Variants in KIAA0586 observed in about 807,000 individuals in gnomAD.
KIAA0586 encodes protein TALPID3.
KIAA0586 carries 144 observed loss-of-function variants against 169.8 expected under a neutral mutation model. That is an observed-to-expected ratio of 0.85 (90% CI 0.74 to 0.97). KIAA0586 has a LOEUF of 0.97. KIAA0586 is among the 50% of genes least tolerant of loss of function. KIAA0586 has a pLI of 0.00. For synonymous variants in KIAA0586, 625 were observed against 612.4 expected (o/e 1.02, Z -0.30); for missense variants, 1,854 against 1,823.0 (o/e 1.02, Z -0.31).
At chr14:58,430,053 T>A (rs2037231387) in intron 2 of KIAA0586, among the ~76,000 whole-genome samples, 1 of 152,150 alleles carries the variant, frequency 6.6e-6, no homozygotes, top group Non-Finnish European at 1.5e-5. Flanking sequence ...AACTAATAAT[T>A]CAATTGAGAC....
Position 58,488,014 on chromosome 14 carries a change from A to G in KIAA0586, c.3432A>G (p.Ser1144=), listed in dbSNP as rs1031513625. 1 of 1,611,458 alleles carries G rather than the reference A, an allele frequency of 6.2e-7. No homozygotes were observed. Among genetic ancestry groups the G allele is most frequent in the Non-Finnish European group, 8.5e-7 (1 of 1,178,892 alleles). Residue 1144 remains serine (S), a synonymous_variant, in exon 23 of 31, where the codon TCA becomes TCG. Transcript: ENST00000652326. The part of the protein sequence containing the change: ...SDISIDKLKV[S]SPELPKPWGD... ...TTTCCATTGATAAATTGAAGGTATC[A>G]AGCCCAGAGCTTCCCAAGCCATGGG...
Position 58,499,296 on chromosome 14 carries a change from A to G in KIAA0586, c.4168+336A>G, listed in dbSNP as rs545313250. 8.5e-5 allele frequency among the ~76,000 whole-genome samples: 13 copies of G among 152,238 alleles called. No individual in the cohort carries two copies. The East Asian group carries it at 2.5e-3, about 29-fold the overall frequency. ...GAGACGGAGTCTTGCTCTGTCACTC[A>G]GGCTGGAGTGCAGTGACACAATCTC... On this transcript the variant is annotated intron_variant, in intron 27 of 30. Coordinates refer to ENST00000652326, the MANE Select transcript of KIAA0586 (RefSeq NM_001329943.3).
Position 58,488,612 on chromosome 14 carries a change from T to C in KIAA0586, c.3528-9T>C. On this transcript the variant is annotated splice_polypyrimidine_tract_variant and intron_variant, in intron 23 of 30. Transcript: ENST00000652326. ...CTAACAAGCTCCAAATATGTCTTTA[T>C]TTTCTTAGTGTAATGTCTGTGGCTA... 6.2e-7 allele frequency: 1 copy of C among 1,613,086 alleles called. No homozygotes were observed. Among genetic ancestry groups the C allele is most frequent in the Non-Finnish European group, 8.5e-7 (1 of 1,179,274 alleles).
At chr14:58,460,497 C>T (rs2040237361) in intron 13 of KIAA0586, among the ~76,000 whole-genome samples, 1 of 152,034 alleles carries the variant, frequency 6.6e-6, no homozygotes, top group African/African-American at 2.4e-5. Flanking sequence ...TTTTTGACTG[C>T]TGTAACTAGG....
intron 20 of KIAA0586, among the ~76,000 whole-genome samples, chr14:58,479,614 A>T (rs1401871796): frequency 6.6e-6 from 1 of 152,064 alleles, no homozygotes; most frequent in Non-Finnish European, 1.5e-5. Context: ...GATCATTAAG[A>T]TAGTTTCCTA....
the KIAA0586 span, among the ~76,000 whole-genome samples, chr14:58,557,334 G>C: frequency 6.6e-6 from 1 of 152,192 alleles, no homozygotes; most frequent in Non-Finnish European, 1.5e-5. Flanking sequence ...TCAATGGTGG[G>C]TTTAAAATCT....
At chr14:58,452,251 T>C (rs573325269) in intron 8 of KIAA0586, among the ~76,000 whole-genome samples, 1 of 152,120 alleles carries the variant, frequency 6.6e-6, no homozygotes, top group African/African-American at 2.4e-5. Context: ...TGTAACCAAA[T>C]ACCACCTGTT....
At chr14:58,493,864 G>T (rs947002426) in intron 26 of KIAA0586, among the ~76,000 whole-genome samples, 1 of 152,008 alleles carries the variant, frequency 6.6e-6, no homozygotes, top group African/African-American at 2.4e-5. Flanking sequence ...GCGCATGTGC[G>T]GGTGGAAAGG....
intron 29 of KIAA0586, among the ~76,000 whole-genome samples, chr14:58,535,518 C>G (rs958810584): frequency 6.6e-6 from 1 of 152,188 alleles, no homozygotes; most frequent in Non-Finnish European, 1.5e-5. Context: ...CTATCAACTT[C>G]TTGGCAGTGG....
Position 58,547,925 on chromosome 14 carries a change from C to T in KIAA0586, c.4640C>T (p.Thr1547Ile). 1 of 1,613,510 alleles carries T rather than the reference C, an allele frequency of 6.2e-7. No individual in the cohort carries two copies. The highest frequency in any genetic ancestry group is 8.5e-7 in the Non-Finnish European group (1 of 1,179,638). Residue 1547 changes from threonine to isoleucine, a missense_variant, in exon 31 of 31, where the codon ACC becomes ATC. Transcript: ENST00000652326. Reference sequence around the variant, plus strand: ...GACATGGAGTCTTCGGGGGCAGATACCTTCTGAACGGGAAGAGACAGCCAG... The same window carrying T: ...GACATGGAGTCTTCGGGGGCAGATATCTTCTGAACGGGAAGAGACAGCCAG... ...QEDMESSGAD[T>I]F
At chr14:58,517,792 A>C (rs991858986) in intron 29 of KIAA0586, among the ~76,000 whole-genome samples, 2 of 152,240 alleles carry the variant, frequency 1.3e-5, no homozygotes, top group Non-Finnish European at 2.9e-5. Flanking sequence ...AGTACTCAGC[A>C]ATGAACAGAC....
chr14:58,555,217 C>T (rs147953883), downstream of KIAA0586, among the ~76,000 whole-genome samples: 1,696 of 150,698 alleles, frequency 0.011, 36 homozygotes, highest in African/African-American at 0.04. Flanking sequence ...TCTCCTGCCT[C>T]AGCCTCCCAA....
At chr14:58,463,864 C>A in intron 14 of KIAA0586, 7 of 278,746 alleles carry the variant, frequency 2.5e-5, no homozygotes, top group Non-Finnish European at 4.4e-5. Flanking sequence ...AAATTAGATA[C>A]ATAGAAACAC....
chr14:58,507,700 A>G (rs2044099687), intron 27 of KIAA0586, among the ~76,000 whole-genome samples: 1 of 152,162 alleles, frequency 6.6e-6, no homozygotes, highest in Admixed American at 6.6e-5. Context: ...AGTGCAATAC[A>G]AAGGTACAGT....
intron 29 of KIAA0586, among the ~76,000 whole-genome samples, chr14:58,529,858 G>A (rs1016087592): frequency 3.9e-5 from 6 of 152,130 alleles, no homozygotes; most frequent in Non-Finnish European, 7.4e-5. Context: ...TCTGGCCAGG[G>A]CAATCAGGCA....
chr14:58,547,684 G>GGGCCCCCC, intron 30 of KIAA0586, 97 bp from the exon 31 acceptor site: 1 of 946,966 alleles, frequency 1.1e-6, no homozygotes, highest in East Asian at 3.1e-5. Context: ...TGGAATCCGC[G>GGGCCCCCC]CCCCCCCACC....
intron 3 of KIAA0586, among the ~76,000 whole-genome samples, chr14:58,431,545 G>A (rs1482434342): frequency 6.6e-6 from 1 of 152,140 alleles, no homozygotes; most frequent in East Asian, 1.9e-4. Context: ...GGGATTACAG[G>A]CGTGAGCCAC....
chr14:58,458,188 T>G (rs1217058585), intron 11 of KIAA0586, among the ~76,000 whole-genome samples: 1 of 152,206 alleles, frequency 6.6e-6, no homozygotes, highest in Non-Finnish European at 1.5e-5. Context: ...TTTCTTTTAA[T>G]TTTTTCTTTC....
chr14:58,486,934 A>T, intron 21 of KIAA0586, 73 bp from the exon 22 acceptor site: 11 of 1,154,520 alleles, frequency 9.5e-6, no homozygotes, highest in Non-Finnish European at 1.4e-5. Context: ...TCTATGAATG[A>T]GTTCATATTA....
Sources: allele counts gnomAD v4.1 joint callset (sites outside exome capture counted in the v4.1 genomes callset), GRCh38; gene constraint gnomAD v4.1.1; transcripts MANE v1.5; gene names NCBI Gene and HGNC (gene_info 2026-07-23, HGNC 2026-07-21).